CAMK2B: variants seen among roughly 807,000 people sequenced by gnomAD.
CAMK2B encodes calcium/calmodulin-dependent protein kinase type II subunit beta.
A neutral mutation model predicts 93.7 loss-of-function variants in CAMK2B; 27 were observed. The observed-to-expected ratio is 0.29, with a 90% CI of 0.21 to 0.40. The LOEUF is 0.40. CAMK2B is among the 10% of genes least tolerant of loss of function. The pLI is 1.00. For missense variants in CAMK2B, 568 were observed against 895.8 expected, an observed-to-expected ratio of 0.63 and a Z score of 4.67; for synonymous variants, 374 against 358.8, an observed-to-expected ratio of 1.04 and a Z score of -0.48.
chr7:44,285,811 C>G (rs531830801), intron 1 of CAMK2B, among the ~76,000 whole-genome samples: 1 of 89,308 alleles, frequency 1.1e-5, no homozygotes, highest in Non-Finnish European at 2.2e-5. Flanking sequence ...GGAGATGCGG[C>G]GGGGGGGAGG....
chr7:44,258,820 T>G, intron 4 of CAMK2B, 52 bp downstream of exon 4: 2 of 1,568,182 alleles, frequency 1.3e-6, no homozygotes, highest in Non-Finnish European at 1.8e-6. Context: ...GATCCCACCC[T>G]GAGCCAAGGC....
Position 44,228,793 on chromosome 7 carries a change from TACACGGGGAGG to T in CAMK2B, c.1460_1468+2del. 6.8e-7 allele frequency: 1 copy of T among 1,478,286 alleles called. No individual in the cohort carries two copies. Among genetic ancestry groups the T allele is most frequent in the Non-Finnish European group, 9.0e-7 (1 of 1,117,182 alleles). The allele number at this position is 1,478,286 out of a possible 1,614,324, so 91.6% of individuals were successfully genotyped here. On this transcript the variant is annotated splice_donor_variant and coding_sequence_variant, in exon 19 of 24. Transcript: ENST00000395749. LOFTEE classifies it high-confidence loss of function. ...GGCGGCAGGCCTGGGGGCCACTACTTACACGGGGAGGACAGGGGGCCTAGGAGAGCCGGAGA... is the reference window on the plus strand; with the variant it reads ...GGCGGCAGGCCTGGGGGCCACTACTTACAGGGGGCCTAGGAGAGCCGGAGA...
intron 16 of CAMK2B, 89 bp from the exon 17 acceptor site, chr7:44,231,143 T>C: frequency 3.8e-6 from 3 of 796,092 alleles, no homozygotes; most frequent in Admixed American, 2.9e-5. Flanking sequence ...TGGGCCTGTG[T>C]CAGGACCAGC....
At chr7:44,227,881 A>G (rs1583849351) in intron 19 of CAMK2B, among the ~76,000 whole-genome samples, 5 of 76,244 alleles carry the variant, frequency 6.6e-5, no homozygotes, top group South Asian at 9.5e-4. Flanking sequence ...TGGGGGACAG[A>G]GGGGGATGTA....
At chr7:44,294,677 A>G (rs1787804638) in intron 1 of CAMK2B, among the ~76,000 whole-genome samples, 1 of 152,066 alleles carries the variant, frequency 6.6e-6, no homozygotes, top group African/African-American at 2.4e-5. Context: ...ATCTCCCCAA[A>G]GTGCACCCAG....
At chr7:44,272,768 TG>T (rs964181212) in intron 2 of CAMK2B, among the ~76,000 whole-genome samples, 1 of 152,196 alleles carries the variant, frequency 6.6e-6, no homozygotes, top group Non-Finnish European at 1.5e-5. Flanking sequence ...GGCTACACAC[TG>T]GGGGGTCCAC....
chr7:44,220,083 C>A lies in CAMK2B; in HGVS notation c.1980G>T (p.Ala660=). The change falls in exon 23 of 24, where the codon GCG becomes GCT. Residue 660 remains alanine (A), a synonymous_variant. Coordinates refer to ENST00000395749, the MANE Select transcript of CAMK2B (RefSeq NM_001220.5). ...WQNVHFHCSG[A]PVAPLQ ...ACCTTCACTGCAGCGGGGCCACAGG[C>A]GCGCCCGAGCAGTGGAAGTGCACGT... 6.3e-7 allele frequency: 1 copy of A among 1,598,660 alleles called. No homozygotes were observed. The highest frequency in any genetic ancestry group is 2.3e-5 in the East Asian group (1 of 44,268).
chr7:44,271,712 G>A lies in CAMK2B; in HGVS notation c.161-8648C>T, dbSNP rs537960461. Reference sequence around the variant, plus strand: ...CTCCTCTGACTCTCCTCCCTGGCTGGTAAATGTGAAGTAGAACCAGTCCTG... The same window carrying A: ...CTCCTCTGACTCTCCTCCCTGGCTGATAAATGTGAAGTAGAACCAGTCCTG... On this transcript the variant is annotated intron_variant, in intron 2 of 23. Coordinates refer to ENST00000395749, the MANE Select transcript of CAMK2B (RefSeq NM_001220.5). The surrounding 1 kb of genome is among the most constrained non-coding windows in gnomAD (Gnocchi z 4.2). Among the ~76,000 whole-genome samples the A allele has an allele frequency of 6.6e-6, 1 of 152,364 alleles. No individual in the cohort carries two copies. The highest frequency in any genetic ancestry group is 6.5e-5 in the Admixed American group (1 of 15,312).
chr7:44,230,974 C>T lies in CAMK2B; in HGVS notation c.1225+32G>A, dbSNP rs372119963. ...AAGAGCAACCCAGCAATGCCAAGGC[C>T]GCTGGGGGGGCAAGGACTCAAGTGC... On this transcript the variant is annotated intron_variant, in intron 17 of 23. Coordinates refer to ENST00000395749, the MANE Select transcript of CAMK2B (RefSeq NM_001220.5). 3.9e-5 allele frequency: 60 copies of T among 1,547,728 alleles called. No homozygotes were observed. The South Asian group carries it at 5.5e-4, about 14-fold the overall frequency.
chr7:44,255,572 C>T (rs140116342), intron 4 of CAMK2B, among the ~76,000 whole-genome samples: 311 of 152,278 alleles, frequency 2.0e-3, no homozygotes, highest in African/African-American at 7.0e-3. Context: ...CCTCTGCCTC[C>T]GCACCCTCTT....
At position 44,234,694 on chromosome 7, in the gene CAMK2B, AG is replaced by A. The variant is rs1192260467; in HGVS notation, c.1022-19del. 1 of 1,613,736 alleles carries A rather than the reference AG, an allele frequency of 6.2e-7. No individual in the cohort carries two copies. Among genetic ancestry groups the A allele is most frequent in the Non-Finnish European group, 8.5e-7 (1 of 1,179,806 alleles). ...ACTCTTGGCTGCTGCATGGGGAGGA[AG>A]AAGGTATGGTGAGTGATGGGCCTGG... is the stretch of plus-strand genomic sequence containing the variant. On this transcript the variant is annotated intron_variant, in intron 13 of 23. Coordinates refer to ENST00000395749, the MANE Select transcript of CAMK2B (RefSeq NM_001220.5).
At chr7:44,289,018 CCT>C (rs1563032732) in intron 1 of CAMK2B, among the ~76,000 whole-genome samples, 1 of 152,176 alleles carries the variant, frequency 6.6e-6, no homozygotes, top group Non-Finnish European at 1.5e-5. Flanking sequence ...GCCCCATCCG[CCT>C]CTGTCTCCTC....
chr7:44,252,309 G>A (rs1226009665), intron 5 of CAMK2B, among the ~76,000 whole-genome samples: 1 of 151,896 alleles, frequency 6.6e-6, no homozygotes, highest in Non-Finnish European at 1.5e-5. Flanking sequence ...GGGGATAACA[G>A]GTTGTGTCTC....
At chr7:44,321,399 G>A (rs1796052400) in intron 1 of CAMK2B, among the ~76,000 whole-genome samples, 1 of 152,082 alleles carries the variant, frequency 6.6e-6, no homozygotes, top group Non-Finnish European at 1.5e-5. Context: ...TCAGTTTTGG[G>A]CCTATCTCAG....
chr7:44,325,455 T>C lies in CAMK2B; in HGVS notation c.-34A>G. The C allele has an allele frequency of 9.4e-7, 1 of 1,058,470 alleles. No individual in the cohort carries two copies. Among genetic ancestry groups the C allele is most frequent in the South Asian group, 3.9e-5 (1 of 25,740 alleles). 65.6% of individuals were successfully genotyped at this position (1,058,470 alleles called of 1,614,324 possible). Reference sequence around the variant, plus strand: ...CGGACGGGCTCGGCGTGCGCTCGGCTGCGCTCGGGCGGCGGCGACTCCGGC... The same window carrying C: ...CGGACGGGCTCGGCGTGCGCTCGGCCGCGCTCGGGCGGCGGCGACTCCGGC... On this transcript the variant is annotated 5_prime_UTR_variant, in exon 1 of 24. Coordinates refer to ENST00000395749, the MANE Select transcript of CAMK2B (RefSeq NM_001220.5).
At chr7:44,260,549 C>G (rs1584332163) in intron 3 of CAMK2B, among the ~76,000 whole-genome samples, 1 of 152,210 alleles carries the variant, frequency 6.6e-6, no homozygotes, top group East Asian at 1.9e-4. Flanking sequence ...CCATCTAAGC[C>G]TCAATCTGCC....
chr7:44,241,832 G>A, intron 10 of CAMK2B, 49 bp from the exon 11 acceptor site: 1 of 1,493,276 alleles, frequency 6.7e-7, no homozygotes, highest in Non-Finnish European at 9.3e-7. Flanking sequence ...AGGCACAGGG[G>A]AGAGGCCAGG....
chr7:44,288,290 G>A (rs1471403737), intron 1 of CAMK2B, among the ~76,000 whole-genome samples: 2 of 152,266 alleles, frequency 1.3e-5, no homozygotes, highest in Non-Finnish European at 2.9e-5. Context: ...CCTAGCAGGC[G>A]GCAGCATGGT....
At chr7:44,309,230 G>A (rs996417721) in intron 1 of CAMK2B, among the ~76,000 whole-genome samples, 1 of 152,242 alleles carries the variant, frequency 6.6e-6, no homozygotes, top group African/African-American at 2.4e-5. Context: ...GCTGGGACAA[G>A]GGGCAGTTCA....
Sources: gnomAD v4.1 joint callset for allele counts (sites outside exome capture counted in the v4.1 genomes callset) on GRCh38, gnomAD v4.1.1 for gene constraint, Gnocchi (gnomAD v3.1) non-coding constraint, MANE v1.5 for transcripts, NCBI Gene and HGNC (gene_info 2026-07-23, HGNC 2026-07-21) for gene names.